Variants in GLIS3 observed in about 807,000 individuals in gnomAD.
The protein encoded by GLIS3 is zinc finger protein GLIS3.
In GLIS3, 53 loss-of-function variants were observed where a neutral mutation model predicts 78.6. The ratio of observed to expected loss-of-function variants is 0.67; its 90% CI spans 0.54 to 0.85. The LOEUF (loss-of-function observed/expected upper bound fraction) is 0.85. Among genes scored for constraint, GLIS3 ranks in the 40% least tolerant of loss-of-function variants. GLIS3 has a pLI of 0.00. For synonymous variants in GLIS3, 684 were observed against 509.9 expected, an observed-to-expected ratio of 1.34 and a Z score of -4.60; for missense variants, 1,703 against 1,231.1, an observed-to-expected ratio of 1.38 and a Z score of -5.74.
chr9:4,466,954 G>C, the GLIS3 span, among the ~76,000 whole-genome samples: 4 of 152,214 alleles, frequency 2.6e-5, no homozygotes, highest in Admixed American at 2.0e-4. Flanking sequence ...TTTTCCAACA[G>C]TCTTAGCAAA....
chr9:4,159,206 C>G (rs17210492), intron 2 of GLIS3, among the ~76,000 whole-genome samples: 43 of 151,986 alleles, frequency 2.8e-4, no homozygotes, highest in Non-Finnish European at 3.7e-4. Flanking sequence ...ATATATGATT[C>G]TCATGGTTAA....
chr9:3,934,859 C>T (rs1436459150), intron 5 of GLIS3, among the ~76,000 whole-genome samples: 2 of 152,184 alleles, frequency 1.3e-5, no homozygotes, highest in Non-Finnish European at 2.9e-5. Context: ...CTAAGTAGTA[C>T]TGCTGCAACT....
At chr9:4,178,831 G>C (rs989510355) in intron 2 of GLIS3, among the ~76,000 whole-genome samples, 2 of 152,026 alleles carry the variant, frequency 1.3e-5, no homozygotes, top group African/African-American at 2.4e-5. Context: ...ACTAAGAAAA[G>C]AAACAAACAT....
chr9:4,461,891 C>T, the GLIS3 span, among the ~76,000 whole-genome samples: 57 of 152,278 alleles, frequency 3.7e-4, no homozygotes, highest in African/African-American at 1.2e-3. Context: ...TCCTTTGTTA[C>T]TGCAGCAAAA....
At chr9:4,213,976 T>G (rs1357921440) in intron 2 of GLIS3, among the ~76,000 whole-genome samples, 1 of 147,948 alleles carries the variant, frequency 6.8e-6, no homozygotes, top group Non-Finnish European at 1.5e-5. Context: ...ACAAAAAAAA[T>G]TTCAGAGACA....
chr9:4,130,320 G>C (rs596539), intron 2 of GLIS3, among the ~76,000 whole-genome samples: 5,042 of 152,328 alleles, frequency 0.033, 89 homozygotes, highest in Admixed American at 0.066. Flanking sequence ...CATAAGTAAA[G>C]ACAAGGCAAG....
intron 6 of GLIS3, among the ~76,000 whole-genome samples, chr9:3,913,635 A>G (rs1824295907): frequency 2.6e-5 from 4 of 152,340 alleles, no homozygotes; most frequent in African/African-American, 7.2e-5. Flanking sequence ...GTCCAATTCA[A>G]TGTCACTTGT....
chr9:4,100,186 G>A (rs989179333), intron 4 of GLIS3, among the ~76,000 whole-genome samples: 11 of 152,172 alleles, frequency 7.2e-5, no homozygotes, highest in Non-Finnish European at 1.0e-4. Flanking sequence ...CAGAACAGGT[G>A]GTGTAGTATG....
At chr9:4,082,194 C>G (rs1340613992) in intron 4 of GLIS3, among the ~76,000 whole-genome samples, 1 of 152,178 alleles carries the variant, frequency 6.6e-6, no homozygotes. Context: ...GAGCATCATG[C>G]AGGCAGCAAT....
At chr9:4,223,486 C>A (rs1345147274) in intron 2 of GLIS3, among the ~76,000 whole-genome samples, 1 of 152,212 alleles carries the variant, frequency 6.6e-6, no homozygotes, top group Non-Finnish European at 1.5e-5. Flanking sequence ...AAGCCCACTG[C>A]CTCCTCCTTT....
intron 2 of GLIS3, among the ~76,000 whole-genome samples, chr9:4,156,820 C>G (rs975160834): frequency 6.6e-6 from 1 of 151,994 alleles, no homozygotes; most frequent in African/African-American, 2.4e-5. Context: ...ATAAGAGTGT[C>G]TCTGAAAAAA....
chr9:4,458,153 C>T, the GLIS3 span, among the ~76,000 whole-genome samples: 2 of 152,038 alleles, frequency 1.3e-5, no homozygotes, highest in South Asian at 4.1e-4. Context: ...GTCATGCCAA[C>T]TTTGTTCTCT....
intron 2 of GLIS3, among the ~76,000 whole-genome samples, chr9:4,208,452 G>A (rs1006063423): frequency 1.3e-5 from 2 of 152,188 alleles, no homozygotes; most frequent in Non-Finnish European, 2.9e-5. Context: ...GTGGTCTTAA[G>A]AATATAAAGT....
At chr9:3,937,420 G>C (rs1030316474) in intron 4 of GLIS3, among the ~76,000 whole-genome samples, 2 of 152,110 alleles carry the variant, frequency 1.3e-5, no homozygotes, top group Non-Finnish European at 2.9e-5. Context: ...GTCCCAAACT[G>C]ATTTCTGTGA....
chr9:4,307,242 T>C (rs1332864522), intron 4 of GLIS3, among the ~76,000 whole-genome samples: 2 of 152,190 alleles, frequency 1.3e-5, no homozygotes, highest in East Asian at 3.8e-4. Flanking sequence ...TGTAACACTC[T>C]ATTGCCTCCA....
At chr9:4,040,634 G>C (rs1341502389) in intron 4 of GLIS3, among the ~76,000 whole-genome samples, 9 of 152,182 alleles carry the variant, frequency 5.9e-5, no homozygotes, top group Admixed American at 5.9e-4. Context: ...CAGCACTTTG[G>C]AGAACTATTA....
chr9:4,295,458 G>A (rs1271242851), intron 1 of GLIS3, among the ~76,000 whole-genome samples: 2 of 152,124 alleles, frequency 1.3e-5, no homozygotes, highest in East Asian at 1.9e-4. Flanking sequence ...CTTTAAAGGG[G>A]GAGTCCAAAT....
At chr9:4,208,601 A>G (rs544501145) in intron 2 of GLIS3, among the ~76,000 whole-genome samples, 1 of 152,322 alleles carries the variant, frequency 6.6e-6, no homozygotes, top group South Asian at 2.1e-4. Context: ...CAATTTAACC[A>G]TGTCCTGTGC....
chr9:4,116,650 T>A (rs765870027), intron 4 of GLIS3, among the ~76,000 whole-genome samples: 2 of 152,182 alleles, frequency 1.3e-5, no homozygotes, highest in Non-Finnish European at 2.9e-5. Flanking sequence ...ATACACATAG[T>A]CCAGATTCTT....
Sources: allele counts gnomAD v4.1 joint callset (sites outside exome capture counted in the v4.1 genomes callset), GRCh38; gene constraint gnomAD v4.1.1; transcripts MANE v1.5; gene names NCBI Gene and HGNC (gene_info 2026-07-23, HGNC 2026-07-21).